RNF150: variants seen among roughly 807,000 people sequenced by gnomAD.
RNF150 encodes ring finger protein 150.
RNF150 carries 24 observed loss-of-function variants against 39.3 expected under a neutral mutation model. The observed-to-expected ratio is 0.61, with a 90% CI of 0.44 to 0.86. RNF150 has a LOEUF of 0.86. Among genes scored for constraint, RNF150 ranks in the 40% least tolerant of loss-of-function variants. The probability of loss-of-function intolerance (pLI) is 0.00; values close to 1 mark genes in which losing one functional copy is unlikely to be tolerated. For synonymous variants in RNF150, 255 were observed against 227.3 expected (o/e 1.12, Z -1.10); for missense variants, 502 against 587.8 (o/e 0.85, Z 1.51).
chr4:140,902,709 A>T (rs796408579), intron 6 of RNF150, among the ~76,000 whole-genome samples: 2 of 152,236 alleles, frequency 1.3e-5, no homozygotes, highest in African/African-American at 4.8e-5. Context: ...TGAATACTGC[A>T]TAACAGCATT....
In RNF150 at chr4:141,111,751, G is replaced by A. The variant is rs554355425; in HGVS notation, c.484+20574C>T. Among the ~76,000 whole-genome samples, 304 of 152,206 alleles carry A rather than the reference G, an allele frequency of 2.0e-3. 1 individual carries two copies. Among genetic ancestry groups the A allele is most frequent in the African/African-American group, 6.7e-3 (278 of 41,518 alleles). The stretch of plus-strand genomic sequence containing the variant: ...AAACTGTTCTGGGTTTATATGAATC[G>A]GGCATCATCCGAGGCCAATTAAAAT... On this transcript the variant is annotated intron_variant, in intron 1 of 6. Coordinates refer to ENST00000515673, the MANE Select transcript of RNF150 (RefSeq NM_020724.2).
At chr4:141,056,853 T>C (rs563604677) in intron 1 of RNF150, among the ~76,000 whole-genome samples, 22 of 152,038 alleles carry the variant, frequency 1.4e-4, no homozygotes, top group Non-Finnish European at 2.5e-4. Flanking sequence ...TTGTAGTCTT[T>C]GATGATTACA....
chr4:140,979,305 T>C (rs1168419952), intron 1 of RNF150, among the ~76,000 whole-genome samples: 28 of 152,068 alleles, frequency 1.8e-4, no homozygotes, highest in Non-Finnish European at 2.6e-4. Flanking sequence ...GAGACCAAAA[T>C]TTCCCAGCAT....
At chr4:141,193,144 C>A (rs1362387466) in intron 1 of RNF150, among the ~76,000 whole-genome samples, 3 of 152,170 alleles carry the variant, frequency 2.0e-5, no homozygotes, top group African/African-American at 7.2e-5. Context: ...GCCTGTCTCC[C>A]ATGTAATGTA....
chr4:140,943,633 T>A (rs1217733795), intron 4 of RNF150, among the ~76,000 whole-genome samples: 2 of 152,258 alleles, frequency 1.3e-5, no homozygotes, highest in Non-Finnish European at 2.9e-5. Context: ...CTTATTTAAA[T>A]TCCTTTCTCT....
intron 4 of RNF150, 28 bp from the exon 5 acceptor site, chr4:140,926,101 C>T (rs377511977): frequency 3.3e-5 from 50 of 1,510,888 alleles, no homozygotes; most frequent in East Asian, 2.0e-4. Flanking sequence ...CATCTTAGAG[C>T]GGCGGTAACT....
At chr4:140,976,136 A>T (rs1202860838) in intron 1 of RNF150, among the ~76,000 whole-genome samples, 1 of 152,090 alleles carries the variant, frequency 6.6e-6, no homozygotes, top group Non-Finnish European at 1.5e-5. Context: ...AGAATTTTTT[A>T]AATTAAATTT....
In RNF150 at chr4:141,132,983, G is replaced by A; in HGVS notation, c.-175C>T. ...CGCGGGGACCGGATTCCGGGCGAGCGGATGGCGCTGGCCCCTTCCCCTCTC... is the reference window on the plus strand; with the variant it reads ...CGCGGGGACCGGATTCCGGGCGAGCAGATGGCGCTGGCCCCTTCCCCTCTC... On this transcript the variant is annotated 5_prime_UTR_variant, in exon 1 of 7. Coordinates refer to ENST00000515673, the MANE Select transcript of RNF150 (RefSeq NM_020724.2). The surrounding 1 kb of genome is among the most constrained non-coding windows in gnomAD (Gnocchi z 4.9). The A allele has an allele frequency of 1.8e-6, 1 of 563,232 alleles. No individual in the cohort carries two copies. The highest frequency in any genetic ancestry group is 3.0e-6 in the Non-Finnish European group (1 of 327,896). The allele number at this position is 563,232 out of a possible 1,614,324, so 34.9% of individuals were successfully genotyped here.
intron 1 of RNF150, among the ~76,000 whole-genome samples, chr4:141,139,528 T>C (rs1727081417): frequency 6.6e-6 from 1 of 152,232 alleles, no homozygotes; most frequent in African/African-American, 2.4e-5. Flanking sequence ...GCAGAGCTGT[T>C]CAAGAAAGAT....
chr4:141,125,990 C>G (rs1206287705), intron 1 of RNF150, among the ~76,000 whole-genome samples: 1 of 152,134 alleles, frequency 6.6e-6, no homozygotes, highest in Non-Finnish European at 1.5e-5. Context: ...TTATTTAACA[C>G]TTTGATGAAT....
intron 1 of RNF150, among the ~76,000 whole-genome samples, chr4:141,141,796 G>A (rs1231536767): frequency 6.6e-6 from 1 of 152,062 alleles, no homozygotes. Context: ...AGCCTGGCCT[G>A]GGCAAAAGAG....
intron 1 of RNF150, among the ~76,000 whole-genome samples, chr4:141,128,237 C>T (rs1169669214): frequency 6.6e-6 from 1 of 152,142 alleles, no homozygotes; most frequent in African/African-American, 2.4e-5. Flanking sequence ...TGCTTTGTGC[C>T]AGCTACAGAT....
chr4:141,054,138 C>T (rs899578208), intron 1 of RNF150, among the ~76,000 whole-genome samples: 1 of 152,122 alleles, frequency 6.6e-6, no homozygotes, highest in African/African-American at 2.4e-5. Flanking sequence ...TAGTTATAAT[C>T]GTTGAGTGCA....
Position 141,027,912 on chromosome 4 carries a change from G to GTTTTTTGTTTTTTTTTTTT in RNF150, c.485-60040_485-60039insAAAAAAAAAAAACAAAAAA, listed in dbSNP as rs1560696593. On this transcript the variant is annotated intron_variant, in intron 1 of 6. Coordinates refer to ENST00000515673, the MANE Select transcript of RNF150 (RefSeq NM_020724.2). ...TAGATAGTTAATGAGCTTGGAATTTGTTTTTTTTTTTTTGTTTTTTTTTTT... is the reference window on the plus strand; with the variant it reads ...TAGATAGTTAATGAGCTTGGAATTTGTTTTTTGTTTTTTTTTTTTTTTTTTTTTTTTTGTTTTTTTTTTT... Among the ~76,000 whole-genome samples, 4 of 27,102 alleles carry GTTTTTTGTTTTTTTTTTTT rather than the reference G, an allele frequency of 1.5e-4. 1 individual carries two copies. The highest frequency in any genetic ancestry group is 8.6e-5 in the Non-Finnish European group (1 of 11,596). The allele number at this position is 27,102 out of a possible 152,430, so 17.8% of individuals were successfully genotyped here.
chr4:140,899,786 A>G (rs1256474189), intron 6 of RNF150, among the ~76,000 whole-genome samples: 2 of 151,956 alleles, frequency 1.3e-5, no homozygotes, highest in Middle Eastern at 3.4e-3. Flanking sequence ...AAATCACTTC[A>G]GCTGCAATAT....
At chr4:141,064,687 T>C (rs1737384257) in intron 1 of RNF150, among the ~76,000 whole-genome samples, 1 of 151,724 alleles carries the variant, frequency 6.6e-6, no homozygotes, top group Non-Finnish European at 1.5e-5. Flanking sequence ...CACAGCAAAA[T>C]AAAAGACAAA....
chr4:140,926,193 C>G, intron 4 of RNF150, 120 bp from the exon 5 acceptor site: 1 of 698,586 alleles, frequency 1.4e-6, no homozygotes, highest in South Asian at 1.7e-5. Context: ...AGACTCAAAC[C>G]TCCATCCCTA....
chr4:141,078,019 A>C (rs1737961431), intron 1 of RNF150, among the ~76,000 whole-genome samples: 1 of 152,186 alleles, frequency 6.6e-6, no homozygotes, highest in Non-Finnish European at 1.5e-5. Flanking sequence ...TTTGACCTGG[A>C]AAGAAAAAGA....
At chr4:140,921,193 AATAATAATATAAT>A (rs1429325194) in intron 5 of RNF150, among the ~76,000 whole-genome samples, 1 of 151,118 alleles carries the variant, frequency 6.6e-6, no homozygotes, top group African/African-American at 2.4e-5. Flanking sequence ...TAATAATAAT[AATAATAATATAAT>A]TGATAGACCG....
Sources: allele counts gnomAD v4.1 joint callset (sites outside exome capture counted in the v4.1 genomes callset), GRCh38; gene constraint gnomAD v4.1.1; non-coding constraint Gnocchi (gnomAD v3.1); transcripts MANE v1.5; gene names NCBI Gene and HGNC (gene_info 2026-07-23, HGNC 2026-07-21).